The following SOX6 variants were observed in gnomAD, a reference collection of about 807,000 sequenced individuals.
SOX6 encodes the protein SRY-box transcription factor 6.
Under a neutral mutation model 97.8 loss-of-function variants are expected in SOX6, and 11 were observed. That is an observed-to-expected ratio of 0.11 (90% confidence interval 0.07 to 0.19). The LOEUF is 0.19. SOX6 is among the 10% of genes least tolerant of loss of function. The pLI, the probability that SOX6 is intolerant of heterozygous loss-of-function variation, is 1.00. For synonymous variants in SOX6, 360 were observed against 371.4 expected (o/e 0.97, Z 0.35); for missense variants, 810 against 1,039.5 (o/e 0.78, Z 3.04).
chr11:16,140,957 A>C (rs1043699876), intron 6 of SOX6, among the ~76,000 whole-genome samples: 2 of 152,170 alleles, frequency 1.3e-5, no homozygotes, highest in Admixed American at 1.3e-4. Flanking sequence ...AGGCATGCAG[A>C]CCACAAATCA....
chr11:16,168,466 C>A (rs1850943369), intron 6 of SOX6, among the ~76,000 whole-genome samples: 1 of 152,086 alleles, frequency 6.6e-6, no homozygotes. Flanking sequence ...CCTACTGTTT[C>A]TCATATTCAG....
intron 1 of SOX6, among the ~76,000 whole-genome samples, chr11:16,473,870 A>G (rs1170889888): frequency 6.6e-6 from 1 of 152,178 alleles, no homozygotes; most frequent in Non-Finnish European, 1.5e-5. Flanking sequence ...TTTCTGTTAC[A>G]TACAATGCTG....
intron 4 of SOX6, among the ~76,000 whole-genome samples, chr11:16,599,337 ATTGAAG>A (rs1295997807): frequency 2.4e-4 from 37 of 152,304 alleles, no homozygotes; most frequent in African/African-American, 8.9e-4. Flanking sequence ...AGAGCAGCAA[ATTGAAG>A]TTGGTCACCA....
intron 1 of SOX6, among the ~76,000 whole-genome samples, chr11:16,405,353 C>T (rs1206489045): frequency 1.3e-5 from 2 of 151,892 alleles, no homozygotes. Context: ...AATGACCTAC[C>T]GCCAGGTGAC....
At chr11:16,290,245 A>C (rs1854875592) in intron 3 of SOX6, among the ~76,000 whole-genome samples, 1 of 152,046 alleles carries the variant, frequency 6.6e-6, no homozygotes, top group Non-Finnish European at 1.5e-5. Context: ...ACAGCTCAAA[A>C]TCAAAGAGTA....
intron 4 of SOX6, among the ~76,000 whole-genome samples, chr11:16,583,608 T>C (rs372438308): frequency 5.0e-5 from 2 of 40,024 alleles, no homozygotes; most frequent in African/African-American, 2.6e-4. Flanking sequence ...TATGTGTATA[T>C]ATATACATAT....
At chr11:16,449,678 G>A (rs1376261795) in intron 1 of SOX6, among the ~76,000 whole-genome samples, 1 of 152,152 alleles carries the variant, frequency 6.6e-6, no homozygotes, top group African/African-American at 2.4e-5. Flanking sequence ...ACAGAGCCAT[G>A]AAGATCATCA....
chr11:16,699,989 G>A (rs1437706205), intron 3 of SOX6, among the ~76,000 whole-genome samples: 4 of 151,828 alleles, frequency 2.6e-5, no homozygotes, highest in African/African-American at 7.3e-5. Flanking sequence ...TTCCTTCATG[G>A]AGCTTTTGAT....
chr11:16,038,174 C>A (rs778317717), intron 12 of SOX6, among the ~76,000 whole-genome samples: 1 of 152,140 alleles, frequency 6.6e-6, no homozygotes, highest in Non-Finnish European at 1.5e-5. Context: ...TATGCAAATA[C>A]TATGCCATTT....
intron 6 of SOX6, among the ~76,000 whole-genome samples, chr11:16,180,183 T>C (rs754434689): frequency 4.0e-5 from 6 of 151,890 alleles, no homozygotes; most frequent in Non-Finnish European, 7.4e-5. Flanking sequence ...TTGTCTTATA[T>C]TTAATCATTG....
chr11:16,093,467 A>C (rs2351955), intron 9 of SOX6, among the ~76,000 whole-genome samples: 8,420 of 152,062 alleles, frequency 0.055, 614 homozygotes, highest in East Asian at 0.37. Context: ...ATAAAATTTC[A>C]GGGTATACTT....
At chr11:16,071,485 C>T (rs1317688296) in intron 9 of SOX6, among the ~76,000 whole-genome samples, 1 of 152,148 alleles carries the variant, frequency 6.6e-6, no homozygotes, top group Non-Finnish European at 1.5e-5. Flanking sequence ...TAACTTCCAG[C>T]CCAGTGGTCC....
At chr11:16,693,680 C>T (rs958059303) in intron 3 of SOX6, among the ~76,000 whole-genome samples, 23 of 152,024 alleles carry the variant, frequency 1.5e-4, no homozygotes, top group African/African-American at 5.3e-4. Context: ...TAACTTTATT[C>T]TAAAATTATA....
chr11:16,729,846 A>G (rs1439289381), intron 2 of SOX6, among the ~76,000 whole-genome samples: 1 of 152,126 alleles, frequency 6.6e-6, no homozygotes, highest in Non-Finnish European at 1.5e-5. Context: ...AAAGACACAC[A>G]TAGGCTCAAA....
At chr11:16,068,728 AATCCTACTCATCTTTTC>A (rs2133939231) in intron 9 of SOX6, among the ~76,000 whole-genome samples, 1 of 152,302 alleles carries the variant, frequency 6.6e-6, no homozygotes, top group Non-Finnish European at 1.5e-5. Flanking sequence ...TGTCTGTCAC[AATCCTACTCATCTTTTC>A]AGTCTAAACT....
chr11:16,672,929 G>C (rs752820755), intron 3 of SOX6, among the ~76,000 whole-genome samples: 82 of 152,220 alleles, frequency 5.4e-4, no homozygotes, highest in Non-Finnish European at 1.0e-3. Context: ...AAAAGACAAA[G>C]AAGGGAATTA....
At chr11:16,061,665 A>C (rs1726689128) in intron 9 of SOX6, among the ~76,000 whole-genome samples, 1 of 151,936 alleles carries the variant, frequency 6.6e-6, no homozygotes, top group East Asian at 1.9e-4. Flanking sequence ...TATAGTAATC[A>C]AAACAGTATG....
chr11:16,582,337 T>C (rs1340453874), intron 4 of SOX6, among the ~76,000 whole-genome samples: 1 of 152,186 alleles, frequency 6.6e-6, no homozygotes, highest in Admixed American at 6.5e-5. Flanking sequence ...TTTTGTTGGA[T>C]GAGTGATACA....
intron 6 of SOX6, among the ~76,000 whole-genome samples, chr11:16,146,744 A>G (rs1447766443): frequency 2.0e-5 from 3 of 152,214 alleles, no homozygotes; most frequent in African/African-American, 4.8e-5. Context: ...CAACAGACAC[A>G]TGAAAAAATG....
Sources: allele counts gnomAD v4.1 joint callset (sites outside exome capture counted in the v4.1 genomes callset), GRCh38; gene constraint gnomAD v4.1.1; transcripts MANE v1.5; gene names NCBI Gene and HGNC (gene_info 2026-07-23, HGNC 2026-07-21).